ABCA6: variants seen among roughly 807,000 people sequenced by gnomAD.
ABCA6 encodes ATP-binding cassette sub-family A member 6.
In ABCA6, 164 loss-of-function variants were observed where a neutral mutation model predicts 191.2. That is an observed-to-expected ratio of 0.86 (90% CI 0.76 to 0.98). The LOEUF (loss-of-function observed/expected upper bound fraction) is 0.98, where lower values mean the gene tolerates loss of function less well. Ranked by LOEUF, ABCA6 falls within the 50% of genes least tolerant of loss-of-function variation. The pLI is 0.00. For missense variants in ABCA6, 1,958 were observed against 1,894.1 expected (o/e 1.03, Z -0.63); for synonymous variants, 636 against 647.7 (o/e 0.98, Z 0.27).
At position 69,132,476 on chromosome 17, in the gene ABCA6, TTTTGTTTGTATG is replaced by T. The variant is rs533802351; in HGVS notation, c.791+1153_791+1164del. On this transcript the variant is annotated intron_variant, in intron 6 of 38. Transcript: ENST00000284425. The stretch of plus-strand genomic sequence containing the variant: ...TTTGTTTTTGTTTTTGTTTGTTTGG[TTTTGTTTGTATG>T]TTTGTTTGTTTTTATGGAGTCTCAC... 4.8e-3 allele frequency among the ~76,000 whole-genome samples: 736 copies of T among 152,152 alleles called. 6 individuals are homozygous for T. The highest frequency in any genetic ancestry group is 5.3e-3 in the Non-Finnish European group (357 of 67,988).
intron 11 of ABCA6, among the ~76,000 whole-genome samples, chr17:69,116,514 T>A (rs551278349): frequency 6.6e-6 from 1 of 152,240 alleles, no homozygotes; most frequent in Admixed American, 6.5e-5. Context: ...TAATTCTGCT[T>A]CTAGAAATTT....
chr17:69,114,388 G>A (rs1347079990), intron 13 of ABCA6, among the ~76,000 whole-genome samples: 1 of 142,146 alleles, frequency 7.0e-6, no homozygotes, highest in Non-Finnish European at 1.5e-5. Flanking sequence ...CACAGGAAGG[G>A]GAACATCACA....
At chr17:69,084,993 T>A in intron 32 of ABCA6, 35 bp downstream of exon 32, 2 of 1,569,230 alleles carry the variant, frequency 1.3e-6, no homozygotes, top group Non-Finnish European at 1.7e-6. Context: ...TCTCCCTGCA[T>A]TCTGACACAA....
At chr17:69,082,805 A>T in intron 36 of ABCA6, 68 bp downstream of exon 36, 1 of 1,587,954 alleles carries the variant, frequency 6.3e-7, no homozygotes, top group Non-Finnish European at 8.6e-7. Context: ...AAGTTCTCAC[A>T]CAGCAAAAAG....
rs145024379 is a variant in ABCA6 at position 69,084,874 on chromosome 17, A to T, written c.4184+154T>A. Among the ~76,000 whole-genome samples, 522 of 152,266 alleles carry T rather than the reference A, an allele frequency of 3.4e-3. 1 individual carries two copies. Among genetic ancestry groups the T allele is most frequent in the Non-Finnish European group, 6.0e-3 (407 of 68,018 alleles). On this transcript the variant is annotated intron_variant, in intron 32 of 38. Coordinates refer to ENST00000284425, the MANE Select transcript of ABCA6 (RefSeq NM_080284.3). Reference sequence around the variant, plus strand: ...AAGATCTCTCATTCAGGGATGCAGGAAGTCAGGTCTTGTCCCTCATCCCTG... The same window carrying T: ...AAGATCTCTCATTCAGGGATGCAGGTAGTCAGGTCTTGTCCCTCATCCCTG...
chr17:69,117,981 C>T (rs772777432), intron 10 of ABCA6, 25 bp from the exon 11 acceptor site: 2 of 1,538,644 alleles, frequency 1.3e-6, no homozygotes, highest in East Asian at 4.6e-5. Flanking sequence ...AGGGTGCTTA[C>T]TTAGCCAACA....
At chr17:69,129,520 G>C in intron 7 of ABCA6, 90 bp downstream of exon 7, 1 of 1,100,178 alleles carries the variant, frequency 9.1e-7, no homozygotes, top group Non-Finnish European at 1.3e-6. Context: ...CATGAAAGTA[G>C]TGATTGCAGT....
intron 16 of ABCA6, chr17:69,111,586 T>G (rs923513013): frequency 6.6e-6 from 1 of 152,480 alleles, no homozygotes; most frequent in Non-Finnish European, 1.5e-5. Flanking sequence ...GCTGCCACCA[T>G]GTGAAGAAGG....
chr17:69,096,968 G>A (rs1260881804), intron 23 of ABCA6, among the ~76,000 whole-genome samples, 167 bp from the exon 24 acceptor site: 1 of 152,072 alleles, frequency 6.6e-6, no homozygotes, highest in African/African-American at 2.4e-5. Context: ...GGCTTATAGA[G>A]CCAGTTCCAT....
At chr17:69,080,974 T>C in intron 37 of ABCA6, 92 bp downstream of exon 37, 1 of 788,740 alleles carries the variant, frequency 1.3e-6, no homozygotes, top group Non-Finnish European at 2.0e-6. Context: ...AGCCCTATTT[T>C]AAAAAATTGT....
In ABCA6 at chr17:69,084,284, G is replaced by T. The variant is rs774096625; in HGVS notation, c.4332C>A (p.Asp1444Glu). ...ACCACATTTGCTGCTGCCCTGTGGGGTCTATGCCCGTAGATGGTTCATCCA... is the reference window on the plus strand; with the variant it reads ...ACCACATTTGCTGCTGCCCTGTGGGTTCTATGCCCGTAGATGGTTCATCCA... ...LLLDEPSTGI[D>E]PTGQQQMWQA... The change falls in exon 34 of 39, where the codon GAC becomes GAA. Residue 1444 changes from aspartate to glutamate, a missense_variant. Physicochemically the swap from Asp to Glu is conservative, Grantham distance 45. Coordinates refer to ENST00000284425, the MANE Select transcript of ABCA6 (RefSeq NM_080284.3). 2 of 1,614,146 alleles carry T rather than the reference G, an allele frequency of 1.2e-6. No individual in the cohort carries two copies. Among genetic ancestry groups the T allele is most frequent in the Non-Finnish European group, 1.7e-6 (2 of 1,180,016 alleles).
chr17:69,123,365 GA>G lies in ABCA6; in HGVS notation c.1309del (p.Ser437HisfsTer32). The G allele has an allele frequency of 6.5e-7, 1 of 1,539,034 alleles. No homozygotes were observed. Among genetic ancestry groups the G allele is most frequent in the Non-Finnish European group, 8.8e-7 (1 of 1,135,034 alleles). On this transcript the variant is annotated frameshift_variant, in exon 10 of 39. Transcript: ENST00000284425. LOFTEE classifies it high-confidence loss of function. ...CCTTTGGTGTTGGAAACAAGATGAT[GA>G]ATTCAAGAAAAATAAAGGAGAATAA... ...RHYSPLFFLNSSSCFQHQRTN... is the reference protein window; with the variant it reads ...RHYSPLFFLNXSSCFQHQRTN...
intron 6 of ABCA6, among the ~76,000 whole-genome samples, chr17:69,132,092 T>C (rs2073873833): frequency 6.6e-6 from 1 of 152,074 alleles, no homozygotes; most frequent in African/African-American, 2.4e-5. Flanking sequence ...TAAGATTCTC[T>C]CCATTAATAA....
intron 8 of ABCA6, among the ~76,000 whole-genome samples, chr17:69,127,144 A>T (rs1335348552): frequency 6.6e-6 from 1 of 152,162 alleles, no homozygotes; most frequent in African/African-American, 2.4e-5. Context: ...CAAAAGTTAC[A>T]CTGAAGTGGA....
chr17:69,087,662 A>C lies in ABCA6; in HGVS notation c.3699-189T>G, dbSNP rs976718745. ...CCCACTAGCCAGAATCCTTTTCTTA[A>C]TGTTGTTGCCATTCTTCTGGTAAGA... is the stretch of plus-strand genomic sequence containing the variant. On this transcript the variant is annotated intron_variant, in intron 28 of 38. Transcript: ENST00000284425. 8 of 653,136 alleles carry C rather than the reference A, an allele frequency of 1.2e-5. No homozygotes were observed. The African/African-American group carries it at 1.5e-4, about 12-fold the overall frequency. The allele number at this position is 653,136 out of a possible 1,614,324, so 40.5% of individuals were successfully genotyped here.
chr17:69,137,039 TA>T (rs2073960135), intron 3 of ABCA6, among the ~76,000 whole-genome samples: 1 of 152,208 alleles, frequency 6.6e-6, no homozygotes. Context: ...CCTGCAAATC[TA>T]AAAGTATAAA....
intron 23 of ABCA6, among the ~76,000 whole-genome samples, chr17:69,097,316 G>A (rs562378008): frequency 1.3e-5 from 2 of 151,914 alleles, no homozygotes; most frequent in Admixed American, 6.6e-5. Flanking sequence ...GCTTGAACCC[G>A]GGAGGCGGAG....
intron 2 of ABCA6, among the ~76,000 whole-genome samples, chr17:69,138,631 T>C (rs952528901): frequency 5.9e-5 from 9 of 151,380 alleles, no homozygotes; most frequent in African/African-American, 2.2e-4. Context: ...AGAGCCCGCA[T>C]CGCCAAGTCA....
rs1035839391 is a variant in ABCA6 at position 69,124,962 on chromosome 17, G to C, written c.1193C>G (p.Ala398Gly). ...DPSGDSYTMI[A>G]TFSMLLLDGL... The stretch of plus-strand genomic sequence containing the variant: ...ATCCAAAAGCAACATAGAAAAAGTT[G>C]CTATCATTGTATATGAGTCTCCTGA... Residue 398 changes from alanine to glycine, a missense_variant, in exon 9 of 39, where the codon GCA becomes GGA. Transcript: ENST00000284425. 1 of 1,570,686 alleles carries C rather than the reference G, an allele frequency of 6.4e-7. No homozygotes were observed. The highest frequency in any genetic ancestry group is 1.8e-5 in the Admixed American group (1 of 55,946).
Sources: gnomAD v4.1 joint callset for allele counts (sites outside exome capture counted in the v4.1 genomes callset) on GRCh38, gnomAD v4.1.1 for gene constraint, MANE v1.5 for transcripts, NCBI Gene and HGNC (gene_info 2026-07-23, HGNC 2026-07-21) for gene names.